FBXL7: variants seen among roughly 807,000 people sequenced by gnomAD.
FBXL7 encodes the protein F-box/LRR-repeat protein 7.
A neutral mutation model predicts 38.3 loss-of-function variants in FBXL7; 12 were observed. The observed-to-expected ratio is 0.31, with a 90% CI of 0.20 to 0.51. The LOEUF (loss-of-function observed/expected upper bound fraction) is 0.51, where lower values mean the gene tolerates loss of function less well. FBXL7 is among the 20% of genes least tolerant of loss of function. The pLI, the probability that FBXL7 is intolerant of heterozygous loss-of-function variation, is 0.98. For missense variants in FBXL7, 567 were observed against 676.4 expected (o/e 0.84, Z 1.79); for synonymous variants, 297 against 300.9 (o/e 0.99, Z 0.13).
In FBXL7 at chr5:15,865,269, G is replaced by C. The variant is rs75686604; in HGVS notation, c.128-62621G>C. ...TCTAAATGCTACGAGCTGAAGGAAG[G>C]GCTGTTCCCAAAGGAAAGGTTGCAA... On this transcript the variant is annotated intron_variant, in intron 2 of 3. Coordinates refer to ENST00000504595, the MANE Select transcript of FBXL7 (RefSeq NM_012304.5). Among the ~76,000 whole-genome samples, 778 of 152,188 alleles carry C rather than the reference G, an allele frequency of 5.1e-3. 4 individuals carry two copies. The highest frequency in any genetic ancestry group is 0.018 in the African/African-American group (734 of 41,548).
intron 2 of FBXL7, among the ~76,000 whole-genome samples, chr5:15,901,018 A>C (rs1391043556): frequency 6.6e-6 from 1 of 152,214 alleles, no homozygotes; most frequent in African/African-American, 2.4e-5. Flanking sequence ...CATGTGGAAA[A>C]ATTAGAAAAA....
chr5:15,858,206 A>T (rs1179896827), intron 2 of FBXL7, among the ~76,000 whole-genome samples: 1 of 149,520 alleles, frequency 6.7e-6, no homozygotes. Flanking sequence ...GTATATATAT[A>T]TTTTACATAA....
chr5:15,845,900 A>C (rs1352090846), intron 2 of FBXL7, among the ~76,000 whole-genome samples: 1 of 152,236 alleles, frequency 6.6e-6, no homozygotes, highest in Non-Finnish European at 1.5e-5. Context: ...GAACCCCAGG[A>C]GGCGGAGCTT....
chr5:15,890,831 G>A (rs1211719621), intron 2 of FBXL7, among the ~76,000 whole-genome samples: 4 of 151,958 alleles, frequency 2.6e-5, no homozygotes, highest in East Asian at 1.9e-4. Context: ...AACTCAAAAC[G>A]CCATAAACAA....
chr5:15,718,621 A>G (rs895759647), intron 2 of FBXL7, among the ~76,000 whole-genome samples: 1 of 152,218 alleles, frequency 6.6e-6, no homozygotes, highest in Non-Finnish European at 1.5e-5. Flanking sequence ...ATGTTTCCCA[A>G]CTTGGGAGTT....
chr5:15,875,349 A>C (rs112820625), intron 2 of FBXL7, among the ~76,000 whole-genome samples: 3,450 of 152,314 alleles, frequency 0.023, 120 homozygotes, highest in African/African-American at 0.078. Flanking sequence ...ATGTGCAAAG[A>C]CTTCATGACT....
chr5:15,636,157 A>G (rs941700231), intron 2 of FBXL7, among the ~76,000 whole-genome samples: 4 of 150,940 alleles, frequency 2.7e-5, no homozygotes, highest in Non-Finnish European at 5.9e-5. Context: ...ATATTTGTAT[A>G]AATTGGAAAA....
chr5:15,736,611 A>C (rs907599750), intron 2 of FBXL7, among the ~76,000 whole-genome samples: 3 of 152,218 alleles, frequency 2.0e-5, no homozygotes, highest in African/African-American at 7.2e-5. Flanking sequence ...TTGCTACTTC[A>C]TCTTTGTCCC....
chr5:15,887,243 A>G (rs1198323083), intron 2 of FBXL7, among the ~76,000 whole-genome samples: 2 of 152,140 alleles, frequency 1.3e-5, no homozygotes, highest in Non-Finnish European at 2.9e-5. Flanking sequence ...TTTCCAGCCA[A>G]TGTTTCACTC....
intron 2 of FBXL7, among the ~76,000 whole-genome samples, chr5:15,800,133 A>T (rs1307040205): frequency 6.6e-6 from 1 of 151,280 alleles, no homozygotes; most frequent in African/African-American, 2.5e-5. Flanking sequence ...TGAAACAGAG[A>T]CTATGTCAGT....
chr5:15,542,846 G>T (rs1737794030), intron 1 of FBXL7, among the ~76,000 whole-genome samples: 1 of 152,168 alleles, frequency 6.6e-6, no homozygotes, highest in African/African-American at 2.4e-5. Context: ...ATGTCCCTAT[G>T]ATTTTAATGC....
At chr5:15,920,524 G>T (rs961157730) in intron 2 of FBXL7, among the ~76,000 whole-genome samples, 3 of 150,144 alleles carry the variant, frequency 2.0e-5, no homozygotes, top group African/African-American at 7.3e-5. Flanking sequence ...TTTTTTGTTT[G>T]TTTTTTTTTG....
chr5:15,512,837 T>C (rs893727840), intron 1 of FBXL7, among the ~76,000 whole-genome samples: 2 of 152,200 alleles, frequency 1.3e-5, no homozygotes, highest in Non-Finnish European at 2.9e-5. Context: ...GTAGTATTTG[T>C]TTTATCTGAC....
At chr5:15,714,235 C>T (rs781302957) in intron 2 of FBXL7, among the ~76,000 whole-genome samples, 30 of 152,188 alleles carry the variant, frequency 2.0e-4, no homozygotes, top group Non-Finnish European at 4.3e-4. Flanking sequence ...TAATAGTGAG[C>T]GAGCTCTCAT....
rs187375292 is a variant in FBXL7, at chr5:15,638,562, C to T, written c.127+22490C>T. Among the ~76,000 whole-genome samples, 7 of 151,072 alleles carry T rather than the reference C, an allele frequency of 4.6e-5. No homozygotes were observed. The East Asian group carries it at 1.2e-3, about 25-fold the overall frequency. The stretch of plus-strand genomic sequence containing the variant: ...TTGAGCCATTGCATAATTCCAGTGT[C>T]GAGTGCATGCAGTAAGTGATGGAAC... On this transcript the variant is annotated intron_variant, in intron 2 of 3. Transcript: ENST00000504595.
intron 2 of FBXL7, among the ~76,000 whole-genome samples, chr5:15,880,295 A>AG (rs11406336): frequency 0.92 from 139,572 of 152,270 alleles, 64,055 homozygotes; most frequent in African/African-American, 0.96. Flanking sequence ...CATAGCTATA[A>AG]GAACAGTGAG....
intron 2 of FBXL7, among the ~76,000 whole-genome samples, chr5:15,828,090 G>C (rs576779862): frequency 1.1e-4 from 16 of 152,304 alleles, no homozygotes; most frequent in Non-Finnish European, 2.1e-4. Context: ...ATAAGACAAT[G>C]TTTGTTTGAT....
chr5:15,793,748 G>A (rs1218196854), intron 2 of FBXL7, among the ~76,000 whole-genome samples: 1 of 152,128 alleles, frequency 6.6e-6, no homozygotes, highest in Non-Finnish European at 1.5e-5. Context: ...ATACTTGAGT[G>A]CCTCTTAAGC....
At chr5:15,845,847 T>C (rs1738883187) in intron 2 of FBXL7, among the ~76,000 whole-genome samples, 1 of 152,080 alleles carries the variant, frequency 6.6e-6, no homozygotes, top group Non-Finnish European at 1.5e-5. Flanking sequence ...GGCGGGTGCC[T>C]GGAGTCCCAG....
Sources: allele counts gnomAD v4.1 joint callset (sites outside exome capture counted in the v4.1 genomes callset), GRCh38; gene constraint gnomAD v4.1.1; transcripts MANE v1.5; gene names NCBI Gene and HGNC (gene_info 2026-07-23, HGNC 2026-07-21).